GRIN2B: variants seen among roughly 807,000 people sequenced by gnomAD.
The protein encoded by GRIN2B is glutamate receptor ionotropic, NMDA 2B.
In GRIN2B, 5 loss-of-function variants were observed where a neutral mutation model predicts 114.5. That is an observed-to-expected ratio of 0.04 (90% confidence interval 0.02 to 0.09). GRIN2B has a LOEUF of 0.09. Ranked by LOEUF, GRIN2B falls within the 10% of genes least tolerant of loss-of-function variation. GRIN2B has a pLI of 1.00. For missense variants in GRIN2B, 1,108 were observed against 1,943.5 expected (o/e 0.57, Z 8.08); for synonymous variants, 787 against 745.1 (o/e 1.06, Z -0.92).
chr12:13,582,271 A>C (rs899620921), intron 10 of GRIN2B, among the ~76,000 whole-genome samples: 1 of 152,194 alleles, frequency 6.6e-6, no homozygotes, highest in Non-Finnish European at 1.5e-5. Flanking sequence ...TTTCATTATA[A>C]AGTGTTCATT....
At chr12:13,775,331 C>T (rs1863984816) in intron 3 of GRIN2B, among the ~76,000 whole-genome samples, 1 of 152,138 alleles carries the variant, frequency 6.6e-6, no homozygotes, top group South Asian at 2.1e-4. Flanking sequence ...CAGGTAGGGA[C>T]CAGACTCCAT....
intron 2 of GRIN2B, among the ~76,000 whole-genome samples, chr12:13,872,206 C>T (rs1017921735): frequency 2.0e-5 from 3 of 151,650 alleles, no homozygotes; most frequent in Admixed American, 2.0e-4. Flanking sequence ...AAAAAAAAAC[C>T]TTAAAAATTA....
intron 2 of GRIN2B, among the ~76,000 whole-genome samples, chr12:13,916,409 T>C (rs892657725): frequency 4.6e-5 from 7 of 152,136 alleles, no homozygotes; most frequent in South Asian, 4.1e-4. Context: ...ATGAGTCTTG[T>C]GTGGTTTCAT....
At chr12:13,950,935 G>C (rs1302250694) in intron 2 of GRIN2B, among the ~76,000 whole-genome samples, 1 of 152,086 alleles carries the variant, frequency 6.6e-6, no homozygotes, top group Admixed American at 6.6e-5. Context: ...AGCTAAGTTT[G>C]ACCAGGGAAG....
chr12:13,568,765 G>A (rs956715110), intron 12 of GRIN2B, among the ~76,000 whole-genome samples: 1 of 152,226 alleles, frequency 6.6e-6, no homozygotes, highest in African/African-American at 2.4e-5. Context: ...AATGCTAACA[G>A]AAACAGTAGT....
chr12:13,605,557 A>T (rs1398211010), intron 10 of GRIN2B, among the ~76,000 whole-genome samples: 33 of 100,962 alleles, frequency 3.3e-4, no homozygotes, highest in Admixed American at 4.8e-4. Flanking sequence ...TCTCTGACAC[A>T]CACACACACA....
At chr12:13,628,494 T>G (rs1408826663) in intron 5 of GRIN2B, among the ~76,000 whole-genome samples, 1 of 152,242 alleles carries the variant, frequency 6.6e-6, no homozygotes, top group Admixed American at 6.5e-5. Context: ...AATCTACTGA[T>G]AGATCTTAGA....
At chr12:13,721,582 A>G (rs1464287671) in intron 4 of GRIN2B, among the ~76,000 whole-genome samples, 1 of 152,020 alleles carries the variant, frequency 6.6e-6, no homozygotes, top group Non-Finnish European at 1.5e-5. Context: ...GAAGACTAGA[A>G]AAGGAGCAAT....
chr12:13,700,622 CA>C (rs1950303203), intron 4 of GRIN2B, among the ~76,000 whole-genome samples: 1 of 152,166 alleles, frequency 6.6e-6, no homozygotes, highest in Admixed American at 6.5e-5. Context: ...TGGTGACTCC[CA>C]GGTGACAGCT....
chr12:13,976,672 T>A (rs1469305341), intron 2 of GRIN2B, among the ~76,000 whole-genome samples: 1 of 152,120 alleles, frequency 6.6e-6, no homozygotes, highest in Admixed American at 6.5e-5. Flanking sequence ...CCTTTTATAG[T>A]CCATCAATAT....
intron 4 of GRIN2B, among the ~76,000 whole-genome samples, chr12:13,747,620 G>C (rs1322618876): frequency 1.3e-5 from 2 of 152,214 alleles, no homozygotes; most frequent in East Asian, 3.9e-4. Context: ...GCTTTCCTTA[G>C]ACTCTGGTGC....
At chr12:13,866,559 C>T (rs576660979) in intron 2 of GRIN2B, among the ~76,000 whole-genome samples, 7 of 152,320 alleles carry the variant, frequency 4.6e-5, no homozygotes, top group African/African-American at 1.7e-4. Flanking sequence ...CCTGGCCCTC[C>T]TGTTACAGCC....
intron 3 of GRIN2B, among the ~76,000 whole-genome samples, chr12:13,847,282 G>T (rs1029773230): frequency 1.3e-5 from 2 of 152,042 alleles, no homozygotes; most frequent in African/African-American, 4.8e-5. Context: ...CCCCCACTAT[G>T]ACCAAGCATA....
intron 5 of GRIN2B, among the ~76,000 whole-genome samples, chr12:13,646,918 G>T (rs1262033008): frequency 6.6e-6 from 1 of 152,102 alleles, no homozygotes; most frequent in African/African-American, 2.4e-5. Context: ...TATGAAGAGG[G>T]TCGCATGGCC....
chr12:13,878,063 C>CAA (rs71067735), intron 2 of GRIN2B, among the ~76,000 whole-genome samples: 53 of 73,166 alleles, frequency 7.2e-4, no homozygotes, highest in Middle Eastern at 6.8e-3. Flanking sequence ...GACTCTGTCT[C>CAA]AAAAAAAAAA....
At chr12:13,661,982 G>T (rs905801645) in intron 5 of GRIN2B, among the ~76,000 whole-genome samples, 1 of 152,092 alleles carries the variant, frequency 6.6e-6, no homozygotes, top group Non-Finnish European at 1.5e-5. Flanking sequence ...CACATTCGAT[G>T]GTACAGGGTC....
At chr12:13,641,357 G>A (rs1428706424) in intron 5 of GRIN2B, among the ~76,000 whole-genome samples, 1 of 152,136 alleles carries the variant, frequency 6.6e-6, no homozygotes, top group Non-Finnish European at 1.5e-5. Context: ...ACAGGTGTGA[G>A]CCACTGGGCC....
chr12:13,959,769 C>CTT lies in GRIN2B; in HGVS notation c.-19+20157_-19+20158dup, dbSNP rs3082919. Reference sequence around the variant, plus strand: ...TGGGTTTCTTTCTTTTTTTCTTTTTCTTTTTTTTTTTTTTTTGGTCTTCAC... The same window carrying CTT: ...TGGGTTTCTTTCTTTTTTTCTTTTTCTTTTTTTTTTTTTTTTTTGGTCTTCAC... On this transcript the variant is annotated intron_variant, in intron 2 of 13. Coordinates refer to ENST00000609686, the MANE Select transcript of GRIN2B (RefSeq NM_000834.5). Among the ~76,000 whole-genome samples the CTT allele has an allele frequency of 3.2e-3, 429 of 132,416 alleles. 3 individuals are homozygous for CTT. Among genetic ancestry groups the CTT allele is most frequent in the East Asian group, 0.016 (72 of 4,512 alleles). The allele number at this position is 132,416 out of a possible 152,430, so 86.9% of individuals were successfully genotyped here.
chr12:13,841,238 C>G (rs1422720371), intron 3 of GRIN2B, among the ~76,000 whole-genome samples: 1 of 152,162 alleles, frequency 6.6e-6, no homozygotes, highest in Non-Finnish European at 1.5e-5. Context: ...TATCCAAGAT[C>G]ACACAGCTAG....
Sources: allele counts gnomAD v4.1 joint callset (sites outside exome capture counted in the v4.1 genomes callset), GRCh38; gene constraint gnomAD v4.1.1; transcripts MANE v1.5; gene names NCBI Gene and HGNC (gene_info 2026-07-23, HGNC 2026-07-21).